The following RP1L1 variants were observed in gnomAD, a reference collection of about 807,000 sequenced individuals.
RP1L1 encodes RP1 like 1.
In RP1L1, 27 loss-of-function variants were observed where a neutral mutation model predicts 15.7. The ratio of observed to expected loss-of-function variants is 1.72; its 90% CI spans 1.27 to 2.38. The LOEUF is 2.38. Among genes scored for constraint, RP1L1 ranks in the 30% most tolerant of loss-of-function variants. RP1L1 has a pLI of 0.00. For synonymous variants in RP1L1, 1,813 were observed against 1,276.7 expected (o/e 1.42, Z -8.96); for missense variants, 4,798 against 3,075.9 (o/e 1.56, Z -13.24).
rs11994642 is a variant in RP1L1, at chr8:10,639,240, A to G, written c.-20+15658T>C. Among the ~76,000 whole-genome samples the G allele has an allele frequency of 3.9e-3, 591 of 152,196 alleles. 1 individual carries two copies. Among genetic ancestry groups the G allele is most frequent in the African/African-American group, 0.013 (553 of 41,534 alleles). On this transcript the variant is annotated intron_variant, in intron 1 of 3. Coordinates refer to ENST00000382483, the MANE Select transcript of RP1L1 (RefSeq NM_178857.6). ...TTCTGCTCTTCAAAACCCCGTCAAC[A>G]GTGGGAAAGGCTCATGCATCAGAGA...
chr8:10,634,728 T>C (rs1051067648), intron 1 of RP1L1, among the ~76,000 whole-genome samples: 1 of 152,128 alleles, frequency 6.6e-6, no homozygotes, highest in Non-Finnish European at 1.5e-5. Flanking sequence ...CTGCTATTCC[T>C]AGCATTTCAG....
rs1797907874 is a variant in RP1L1 at position 10,613,189 on chromosome 8, C to T, written c.909G>A (p.Leu303=). The change falls in exon 4 of 4, where the codon CTG becomes CTA. Residue 303 remains leucine, a synonymous_variant. Coordinates refer to ENST00000382483, the MANE Select transcript of RP1L1 (RefSeq NM_178857.6). ...TCTTCTTCATGTCATCGCCAGCCAC[C>T]AGCGGGCCCGACTGAGCTGGCGTGT... ...PQDTPAQSGP[L]VAGDDMKKKV... 1.4e-5 allele frequency: 23 copies of T among 1,613,674 alleles called. No individual in the cohort carries two copies. Among genetic ancestry groups the T allele is most frequent in the Non-Finnish European group, 1.8e-5 (21 of 1,180,008 alleles).
At position 10,607,184 on chromosome 8, in the gene RP1L1, G is replaced by A. The variant is rs753604440; in HGVS notation, c.6914C>T (p.Ser2305Phe). The change falls in exon 4 of 4, where the codon TCT becomes TTT. Residue 2305 changes from serine to phenylalanine, a missense_variant. Transcript: ENST00000382483. ...GTCTTTCTGCCAGCAGTTGCCCCAA[G>A]AGGATGCTCTGGAGGAGGAAGGGCC... is the stretch of plus-strand genomic sequence containing the variant. ...QTGPSSSRAS[S>F]WGNCWQKDSE... is the part of the protein sequence containing the mutation. 4.3e-6 allele frequency: 7 copies of A among 1,614,256 alleles called. No homozygotes were observed. The South Asian group carries it at 6.6e-5, about 15-fold the overall frequency.
chr8:10,635,135 G>A (rs60773691), intron 1 of RP1L1, among the ~76,000 whole-genome samples: 1,627 of 152,308 alleles, frequency 0.011, 27 homozygotes, highest in African/African-American at 0.037. Flanking sequence ...GGGTGACGCG[G>A]TCTTCATCTG....
intron 2 of RP1L1, among the ~76,000 whole-genome samples, chr8:10,616,838 G>A (rs753232618): frequency 1.3e-5 from 2 of 152,144 alleles, no homozygotes; most frequent in Non-Finnish European, 2.9e-5. Flanking sequence ...TGAGGCCCGT[G>A]ATCAAAGGGC....
chr8:10,607,240 G>C lies in RP1L1; in HGVS notation c.6858C>G (p.Asp2286Glu), dbSNP rs1375243114. Residue 2286 changes from aspartate to glutamate, a missense_variant, in exon 4 of 4, where the codon GAC (aspartate) becomes GAG (glutamate). Transcript: ENST00000382483. ...GGGAGCCTGGCCTTTGGTGGGGAGT[G>C]TCTCCACCTGGGGAAGGGGGTGGAG... ...RPTPPPSPGG[D>E]TPHQRPGSQT... 1.2e-6 allele frequency: 2 copies of C among 1,614,030 alleles called. No individual in the cohort carries two copies. Among genetic ancestry groups the C allele is most frequent in the African/African-American group, 1.3e-5 (1 of 74,942 alleles).
rs1468777087 is a variant in RP1L1, at chr8:10,609,684, G to A, written c.4414C>T (p.Gln1472Ter). ...PSASERQSGS[Q>*]LEPGLEKPPG... ...GGCTTTTCCAAACCAGGCTCAAGCT[G>A]GGAGCCACTCTGCCTCTCGCTGGCA... The change falls in exon 4 of 4, where the codon CAG (glutamine) becomes TAG (stop). Residue 1472 changes from glutamine (Q) to a stop codon, truncating the protein, a stop_gained. Transcript: ENST00000382483. LOFTEE classifies it low-confidence loss of function (END_TRUNC). 6.2e-7 allele frequency: 1 copy of A among 1,612,738 alleles called. No homozygotes were observed. The highest frequency in any genetic ancestry group is 2.2e-5 in the East Asian group (1 of 44,880).
intron 1 of RP1L1, among the ~76,000 whole-genome samples, chr8:10,628,741 C>T (rs55828235): frequency 0.082 from 12,441 of 152,244 alleles, 705 homozygotes; most frequent in Non-Finnish European, 0.13. Flanking sequence ...AAGAGGGACA[C>T]ATCCATGACA....
chr8:10,632,648 T>C (rs931137009), intron 1 of RP1L1, among the ~76,000 whole-genome samples: 3 of 152,256 alleles, frequency 2.0e-5, no homozygotes, highest in African/African-American at 7.2e-5. Flanking sequence ...CCGCTGACTT[T>C]GGCTCCCCAG....
chr8:10,614,634 C>G (rs57820707), intron 3 of RP1L1, among the ~76,000 whole-genome samples: 1 of 133,362 alleles, frequency 7.5e-6, no homozygotes, highest in East Asian at 2.5e-4. Context: ...GCACTCCAGC[C>G]TGGGTGACAG....
chr8:10,621,655 G>A, intron 2 of RP1L1: 1 of 465,218 alleles, frequency 2.1e-6, no homozygotes, highest in Non-Finnish European at 4.3e-6. Flanking sequence ...TTGGTGGAAT[G>A]GTGCATACAG....
At chr8:10,626,444 C>A (rs1401595030) in intron 1 of RP1L1, among the ~76,000 whole-genome samples, 2 of 152,026 alleles carry the variant, frequency 1.3e-5, no homozygotes, top group African/African-American at 4.8e-5. Flanking sequence ...GCATGCAGCC[C>A]CCGGAGAGAA....
intron 1 of RP1L1, among the ~76,000 whole-genome samples, chr8:10,626,801 C>T (rs1421137071): frequency 1.3e-5 from 2 of 152,150 alleles, no homozygotes; most frequent in Non-Finnish European, 2.9e-5. Flanking sequence ...CACATTTCCA[C>T]GAGAAAGCCA....
At chr8:10,621,246 T>C (rs1585978378) in intron 2 of RP1L1, 2 of 154,854 alleles carry the variant, frequency 1.3e-5, no homozygotes, top group African/African-American at 4.8e-5. Flanking sequence ...GTGTTTTTGA[T>C]TGTAGGAGGG....
chr8:10,631,447 A>T (rs1196440259), intron 1 of RP1L1, among the ~76,000 whole-genome samples: 2 of 152,156 alleles, frequency 1.3e-5, no homozygotes, highest in African/African-American at 4.8e-5. Context: ...ACACGCACAC[A>T]CACACTATGG....
chr8:10,607,974 G>T lies in RP1L1; in HGVS notation c.6124C>A (p.Gln2042Lys). 6.2e-7 allele frequency: 1 copy of T among 1,612,014 alleles called. No homozygotes were observed. Among genetic ancestry groups the T allele is most frequent in the Non-Finnish European group, 8.5e-7 (1 of 1,179,520 alleles). Residue 2042 changes from glutamine (Q) to lysine (K), a missense_variant, in exon 4 of 4, where the codon CAG becomes AAG. By Grantham distance (53) the Gln-to-Lys change is moderately conservative. Coordinates refer to ENST00000382483, the MANE Select transcript of RP1L1 (RefSeq NM_178857.6). ...EEAQEVEGET[Q>K]KTEGDAQPES... ...GGCTGGGCATCCCCTTCTGTCTTCTGGGTCTCCCCTTCAACCTCCTGGGCC... is the reference window on the plus strand; with the variant it reads ...GGCTGGGCATCCCCTTCTGTCTTCTTGGTCTCCCCTTCAACCTCCTGGGCC...
rs369627530 is a variant in RP1L1 at position 10,609,120 on chromosome 8, C to A, written c.4978G>T (p.Glu1660Ter). 3 of 1,613,590 alleles carry A rather than the reference C, an allele frequency of 1.9e-6. No homozygotes were observed. The highest frequency in any genetic ancestry group is 2.7e-5 in the African/African-American group (2 of 74,944). ...CTCACTTTCTTCCTCACGCAGGCCT[C>A]GCAGGGACAGAACTCCTCCCCCTCC... ...EAEGEEFCPC[E>*]ACVRKKVSPM... is the part of the protein sequence containing the mutation. Residue 1660 changes from glutamate to a stop codon, truncating the protein, a stop_gained, in exon 4 of 4, where the codon GAG becomes TAG. Transcript: ENST00000382483. LOFTEE classifies it low-confidence loss of function (END_TRUNC).
intron 1 of RP1L1, among the ~76,000 whole-genome samples, chr8:10,639,048 G>T (rs987980076): frequency 6.6e-6 from 1 of 152,064 alleles, no homozygotes; most frequent in Admixed American, 6.6e-5. Context: ...GGGAGGCTGA[G>T]GCAGGGGAAT....
chr8:10,626,474 G>A (rs906834685), intron 1 of RP1L1, among the ~76,000 whole-genome samples: 2 of 152,212 alleles, frequency 1.3e-5, no homozygotes, highest in African/African-American at 2.4e-5. Flanking sequence ...CAGGCATGCA[G>A]CAGGGAGCTG....
Sources: allele counts gnomAD v4.1 joint callset (sites outside exome capture counted in the v4.1 genomes callset), GRCh38; gene constraint gnomAD v4.1.1; transcripts MANE v1.5; gene names NCBI Gene and HGNC (gene_info 2026-07-23, HGNC 2026-07-21).